Variants in SMC6 observed in about 807,000 individuals in gnomAD.
SMC6 encodes the protein structural maintenance of chromosomes 6, also known as structural maintenance of chromosomes protein 6.
In SMC6, 79 loss-of-function variants were observed where a neutral mutation model predicts 142.2. The ratio of observed to expected loss-of-function variants is 0.56; its 90% CI spans 0.46 to 0.67. The LOEUF is 0.67. SMC6 is among the 30% of genes least tolerant of loss of function. The pLI, the probability that SMC6 is intolerant of heterozygous loss-of-function variation, is 0.00. For missense variants in SMC6, 1,072 were observed against 1,284.0 expected (o/e 0.83, Z 2.52); for synonymous variants, 411 against 412.4 (o/e 1.00, Z 0.04).
rs116581501 is a variant in SMC6, at chr2:17,702,609, G to A, written c.2142+548C>T. Among the ~76,000 whole-genome samples, 305 of 152,234 alleles carry A rather than the reference G, an allele frequency of 2.0e-3. 1 individual carries two copies. Among genetic ancestry groups the A allele is most frequent in the African/African-American group, 7.1e-3 (294 of 41,550 alleles). ...TATGGTTTGGCTGTGTCCCTACCCA[G>A]ATCTCACCTTGAATTTAAGTTCCCA... On this transcript the variant is annotated intron_variant, in intron 19 of 27. Coordinates refer to ENST00000448223, the MANE Select transcript of SMC6 (RefSeq NM_001142286.2).
intron 16 of SMC6, chr2:17,713,304 T>C: frequency 6.0e-6 from 2 of 332,144 alleles, no homozygotes; most frequent in Non-Finnish European, 1.2e-5. Flanking sequence ...TCTCTCATTC[T>C]CCTTGGTAGC....
intron 16 of SMC6, among the ~76,000 whole-genome samples, chr2:17,711,292 A>C (rs554189064): frequency 5.3e-5 from 8 of 152,196 alleles, no homozygotes; most frequent in Admixed American, 1.3e-4. Context: ...GGAGGATACA[A>C]TATTAGTCTA....
chr2:17,752,921 TTCTG>T, intron 2 of SMC6, 53 bp downstream of exon 2: 1 of 668,222 alleles, frequency 1.5e-6, no homozygotes. Context: ...CTCACAAAAC[TTCTG>T]TCTTGAGGGC....
At position 17,738,256 on chromosome 2, in the gene SMC6, T is replaced by A. The variant is rs1284457193; in HGVS notation, c.309A>T (p.Gly103=). Residue 103 remains glycine (G), a synonymous_variant, in exon 5 of 28, where the codon GGA becomes GGT. Transcript: ENST00000448223. ...LGGRAVATNR[G]SSLKGFVKDG... is the part of the protein sequence containing the mutation. ...CTTTCACAAAACCTTTTAAAGAGGA[T>A]CCTCTATTAGTAGCAACTGCTCTTC... The A allele has an allele frequency of 1.9e-6, 3 of 1,613,312 alleles. No individual in the cohort carries two copies. Among genetic ancestry groups the A allele is most frequent in the Admixed American group, 3.3e-5 (2 of 59,984 alleles).
intron 5 of SMC6, among the ~76,000 whole-genome samples, chr2:17,737,232 A>G (rs1229132515): frequency 6.6e-6 from 1 of 152,222 alleles, no homozygotes; most frequent in Non-Finnish European, 1.5e-5. Context: ...AGAAATTTGC[A>G]GGCCTGATTC....
In SMC6 at chr2:17,716,614, A is replaced by G. The variant is rs911975437; in HGVS notation, c.1346+127T>C. ...TCTGCAAAGTATTTAACATAAAAAT[A>G]AAATCTTTTTAAAAAGATCCCTTAT... On this transcript the variant is annotated intron_variant, in intron 14 of 27. Transcript: ENST00000448223. 6.1e-6 allele frequency: 6 copies of G among 980,400 alleles called. No homozygotes were observed. The Admixed American group carries it at 1.7e-4, about 28-fold the overall frequency. 60.7% of individuals were successfully genotyped at this position (980,400 alleles called of 1,614,324 possible).
chr2:17,751,005 CA>C (rs34661130), intron 2 of SMC6, among the ~76,000 whole-genome samples: 49 of 53,806 alleles, frequency 9.1e-4, no homozygotes, highest in East Asian at 3.3e-3. Context: ...ACAGCTGTCT[CA>C]AAAAAAAAAA....
intron 1 of SMC6, 46 bp from the exon 2 acceptor site, chr2:17,753,110 C>A: frequency 1.4e-6 from 1 of 727,480 alleles, no homozygotes; most frequent in Non-Finnish European, 1.7e-6. Context: ...AACCTTTGAA[C>A]ACATGTTAAT....
chr2:17,698,089 T>C (rs1668094226), intron 21 of SMC6, among the ~76,000 whole-genome samples: 1 of 152,026 alleles, frequency 6.6e-6, no homozygotes, highest in African/African-American at 2.4e-5. Context: ...GAATAGGCAA[T>C]CTATAGAGAT....
Position 17,738,242 on chromosome 2 carries a change from C to T in SMC6, c.323G>A (p.Gly108Asp). 1 of 1,612,900 alleles carries T rather than the reference C, an allele frequency of 6.2e-7. No homozygotes were observed. Among genetic ancestry groups the T allele is most frequent in the South Asian group, 1.1e-5 (1 of 90,996 alleles). ...VATNRGSSLK[G>D]FVKDGQNSAD... is the part of the protein sequence containing the mutation. ...TTACTTCTGTCCATCTTTCACAAAA[C>T]CTTTTAAAGAGGATCCTCTATTAGT... Residue 108 changes from glycine to aspartate, a missense_variant, in exon 5 of 28, where the codon GGT (glycine) becomes GAT (aspartate). Physicochemically the swap from Gly to Asp is moderately conservative, Grantham distance 94 (BLOSUM62 -1). Coordinates refer to ENST00000448223, the MANE Select transcript of SMC6 (RefSeq NM_001142286.2).
chr2:17,671,702 CT>C (rs1666773287), intron 25 of SMC6, among the ~76,000 whole-genome samples: 1 of 144,544 alleles, frequency 6.9e-6, no homozygotes, highest in Admixed American at 6.8e-5. Context: ...TTTTAAATTT[CT>C]TTTAAAAGCT....
At position 17,716,837 on chromosome 2, in the gene SMC6, A is replaced by G; in HGVS notation, c.1250T>C (p.Val417Ala). 6.2e-7 allele frequency: 1 copy of G among 1,612,676 alleles called. No individual in the cohort carries two copies. The highest frequency in any genetic ancestry group is 8.5e-7 in the Non-Finnish European group (1 of 1,179,508). The change falls in exon 14 of 28, where the codon GTA becomes GCA. Residue 417 changes from valine (V) to alanine (A), a missense_variant. Around this residue, in one of 3 missense-constraint regions of SMC6, gnomAD observed 994 missense variants for 1,153.2 expected, o/e 0.86. Coordinates refer to ENST00000448223, the MANE Select transcript of SMC6 (RefSeq NM_001142286.2). ...QKKISWLKER[V>A]KAFQNQENSV... ...ATTTTCTTGATTTTGAAAGGCCTTT[A>G]CTCTCTCTTTTAACCAAGATATTTT...
At position 17,700,121 on chromosome 2, in the gene SMC6, T is replaced by C. The variant is rs931755551; in HGVS notation, c.2394+87A>G. The C allele has an allele frequency of 3.5e-6, 3 of 866,116 alleles. No homozygotes were observed. The African/African-American group carries it at 5.2e-5, about 15-fold the overall frequency. 53.7% of individuals were successfully genotyped at this position (866,116 alleles called of 1,614,324 possible). A position where few individuals can be genotyped will look rare whatever the true frequency, so the allele number is the denominator to read the frequency against. ...TATGCTATTTACATTTAACCAAAAA[T>C]TCTTTTAGGCCAATATCCATAGAGT... is the stretch of plus-strand genomic sequence containing the variant. On this transcript the variant is annotated intron_variant, in intron 21 of 27. Coordinates refer to ENST00000448223, the MANE Select transcript of SMC6 (RefSeq NM_001142286.2).
intron 7 of SMC6, among the ~76,000 whole-genome samples, chr2:17,728,942 G>T (rs1669766164): frequency 1.3e-5 from 2 of 151,936 alleles, no homozygotes; most frequent in South Asian, 2.1e-4. Flanking sequence ...TAGAGACAGG[G>T]TTTCACCATG....
chr2:17,740,920 C>A (rs1044848491), intron 4 of SMC6: 10 of 284,438 alleles, frequency 3.5e-5, no homozygotes, highest in Non-Finnish European at 6.9e-5. Context: ...CTAATTGGTT[C>A]CCCACTGTCT....
intron 21 of SMC6, 46 bp from the exon 22 acceptor site, chr2:17,696,472 C>T: frequency 6.3e-7 from 1 of 1,582,836 alleles, no homozygotes; most frequent in Non-Finnish European, 8.6e-7. Flanking sequence ...AAAAAATTTC[C>T]AGCATAGGTA....
At chr2:17,739,031 T>C (rs2125065426) in intron 4 of SMC6, among the ~76,000 whole-genome samples, 1 of 152,282 alleles carries the variant, frequency 6.6e-6, no homozygotes, top group African/African-American at 2.4e-5. Flanking sequence ...GTATCCCTAA[T>C]ATTAGCACAT....
At chr2:17,724,893 G>A (rs1157992707) in intron 9 of SMC6, among the ~76,000 whole-genome samples, 3 of 152,146 alleles carry the variant, frequency 2.0e-5, no homozygotes, top group Non-Finnish European at 4.4e-5. Context: ...TATTATCCCA[G>A]CAGAAGAAAT....
chr2:17,714,920 G>A lies in SMC6; in HGVS notation c.1671C>T (p.Thr557=). The part of the protein sequence containing the change: ...ALMKRFYLPG[T]SRPPIIVSEF... ...CAGAAACTATTATCGGTGGCCGTGAGGTCCCTGGTAAATAAAACCTTTTCA... is the reference window on the plus strand; with the variant it reads ...CAGAAACTATTATCGGTGGCCGTGAAGTCCCTGGTAAATAAAACCTTTTCA... The change falls in exon 16 of 28, where the codon ACC becomes ACT. Residue 557 remains threonine, a synonymous_variant. Coordinates refer to ENST00000448223, the MANE Select transcript of SMC6 (RefSeq NM_001142286.2). 6.2e-7 allele frequency: 1 copy of A among 1,613,624 alleles called. No homozygotes were observed. The highest frequency in any genetic ancestry group is 8.5e-7 in the Non-Finnish European group (1 of 1,179,852).
Sources: gnomAD v4.1 joint callset for allele counts (sites outside exome capture counted in the v4.1 genomes callset) on GRCh38, gnomAD v4.1.1 for gene constraint, gnomAD v4.1.1 regional missense constraint, MANE v1.5 for transcripts, NCBI Gene and HGNC (gene_info 2026-07-23, HGNC 2026-07-21) for gene names.